KARS1: variants seen among roughly 807,000 people sequenced by gnomAD.
KARS1 encodes lysine--tRNA ligase.
KARS1 carries 50 observed loss-of-function variants against 63.9 expected under a neutral mutation model. That is an observed-to-expected ratio of 0.78 (90% CI 0.62 to 0.99). The LOEUF is 0.99. Among genes scored for constraint, KARS1 ranks in the 50% least tolerant of loss-of-function variants. The pLI is 0.00. For missense variants in KARS1, 816 were observed against 754.5 expected (o/e 1.08, Z -0.95); for synonymous variants, 320 against 264.6 (o/e 1.21, Z -2.03).
chr16:75,641,511 C>T (rs2082223137), intron 2 of KARS1, 53 bp downstream of exon 2: 2 of 1,531,676 alleles, frequency 1.3e-6, no homozygotes, highest in South Asian at 2.3e-5. Context: ...CTGCCAGAAG[C>T]CTCATCAGAA....
intron 3 of KARS1, among the ~76,000 whole-genome samples, chr16:75,638,766 T>C (rs926605495): frequency 6.6e-6 from 1 of 151,454 alleles, no homozygotes; most frequent in Non-Finnish European, 1.5e-5. Context: ...ATAAAAAGGA[T>C]TTGAGATAAA....
In KARS1 at chr16:75,632,477, G is replaced by T. The variant is rs549724397; in HGVS notation, c.916-622C>A. On this transcript the variant is annotated intron_variant, in intron 7 of 13. Coordinates refer to ENST00000302445, the MANE Select transcript of KARS1 (RefSeq NM_005548.3). ...CGTGTGACCCAAGCTCCACCAGTCA[G>T]ATACACTTGTGAGACTTCAGCATGG... 3.3e-5 allele frequency among the ~76,000 whole-genome samples: 5 copies of T among 152,324 alleles called. No individual in the cohort carries two copies. The South Asian group carries it at 1.0e-3, about 32-fold the overall frequency.
intron 1 of KARS1, among the ~76,000 whole-genome samples, chr16:75,645,832 G>C (rs1396647826): frequency 8.3e-6 from 1 of 120,740 alleles, no homozygotes; most frequent in Non-Finnish European, 1.6e-5. Context: ...GGGCAACAAC[G>C]ACTCTGCCTC....
Position 75,629,488 on chromosome 16 carries a change from T to C in KARS1, c.1478A>G (p.Lys493Arg), listed in dbSNP as rs1467945662. The change falls in exon 12 of 14, where the codon AAA becomes AGA. Residue 493 changes from lysine to arginine, a missense_variant. Coordinates refer to ENST00000302445, the MANE Select transcript of KARS1 (RefSeq NM_005548.3). ...CTCAGTATACGCATTGCATATCTCT[T>C]TCTTCATGACAAACAGCTCAAAGCG... is the stretch of plus-strand genomic sequence containing the variant. ...TERFELFVMK[K>R]EICNAYTELN... 6.2e-7 allele frequency: 1 copy of C among 1,614,178 alleles called. No homozygotes were observed. Among genetic ancestry groups the C allele is most frequent in the Non-Finnish European group, 8.5e-7 (1 of 1,180,002 alleles).
At chr16:75,630,796 A>C (rs1188803362) in intron 10 of KARS1, among the ~76,000 whole-genome samples, 3 of 151,768 alleles carry the variant, frequency 2.0e-5, no homozygotes, top group Non-Finnish European at 4.4e-5. Context: ...CACCATACCC[A>C]GCTCATTTTT....
At chr16:75,643,571 G>A (rs1210771659) in intron 1 of KARS1, among the ~76,000 whole-genome samples, 1 of 152,022 alleles carries the variant, frequency 6.6e-6, no homozygotes, top group Non-Finnish European at 1.5e-5. Flanking sequence ...AGTGAAGATG[G>A]GGTTTCACCG....
chr16:75,639,335 G>A (rs973101923), intron 3 of KARS1, among the ~76,000 whole-genome samples: 3 of 151,934 alleles, frequency 2.0e-5, no homozygotes, highest in Admixed American at 6.6e-5. Context: ...ACTTTGGGAA[G>A]CCGAGGCAGG....
chr16:75,644,663 A>G (rs960947855), intron 1 of KARS1, among the ~76,000 whole-genome samples: 3 of 152,224 alleles, frequency 2.0e-5, no homozygotes, highest in African/African-American at 7.2e-5. Flanking sequence ...AGTCCTGACT[A>G]TGGAAAAAAC....
intron 6 of KARS1, among the ~76,000 whole-genome samples, chr16:75,635,083 C>T (rs1597168528): frequency 6.6e-6 from 1 of 152,302 alleles, no homozygotes; most frequent in East Asian, 1.9e-4. Flanking sequence ...CTATCTCATA[C>T]AAAGAGATCC....
In KARS1 at chr16:75,640,175, A is replaced by C. The variant is rs766255336; in HGVS notation, c.388+9T>G. Reference sequence around the variant, plus strand: ...GGGAGTTCAGTGATTTGCCAGGGAGAGTTCCTACCTGCCACCTTTAAGGTG... The same window carrying C: ...GGGAGTTCAGTGATTTGCCAGGGAGCGTTCCTACCTGCCACCTTTAAGGTG... On this transcript the variant is annotated intron_variant, in intron 3 of 13. Transcript: ENST00000302445. The C allele has an allele frequency of 3.7e-6, 6 of 1,612,634 alleles. No individual in the cohort carries two copies. Among genetic ancestry groups the C allele is most frequent in the Non-Finnish European group, 5.1e-6 (6 of 1,178,754 alleles).
chr16:75,643,084 C>T (rs6564271), intron 1 of KARS1, among the ~76,000 whole-genome samples: 14,117 of 152,220 alleles, frequency 0.093, 670 homozygotes, highest in Middle Eastern at 0.11. Context: ...CAAAGTAATG[C>T]GGACAACTCT....
intron 12 of KARS1, 41 bp from the exon 13 acceptor site, chr16:75,628,753 G>A (rs1175450789): frequency 1.9e-6 from 3 of 1,610,934 alleles, no homozygotes; most frequent in Non-Finnish European, 1.7e-6. Context: ...CTTCTTCTAA[G>A]ATATCTCAGT....
At chr16:75,637,621 A>T (rs2082176191) in intron 3 of KARS1, among the ~76,000 whole-genome samples, 1 of 152,014 alleles carries the variant, frequency 6.6e-6, no homozygotes, top group Non-Finnish European at 1.5e-5. Flanking sequence ...ACTAAAAAAA[A>T]ATACAGAATT....
chr16:75,631,353 T>A, intron 9 of KARS1, 63 bp downstream of exon 9: 1 of 1,586,566 alleles, frequency 6.3e-7, no homozygotes, highest in South Asian at 1.1e-5. Flanking sequence ...TCTGACCCAA[T>A]CAAATTCAGA....
At chr16:75,636,218 C>T in intron 4 of KARS1, 120 bp from the exon 5 acceptor site, 1 of 737,762 alleles carries the variant, frequency 1.4e-6, no homozygotes, top group Admixed American at 2.1e-5. Flanking sequence ...AGAAGGACGT[C>T]AGATTCAGGG....
Position 75,647,633 on chromosome 16 carries a change from C to T in KARS1, c.7G>A (p.Ala3Thr), listed in dbSNP as rs1028472561. 4 of 1,613,802 alleles carry T rather than the reference C, an allele frequency of 2.5e-6. No homozygotes were observed. Among genetic ancestry groups the T allele is most frequent in the East Asian group, 2.2e-5 (1 of 44,886 alleles). The change falls in exon 1 of 14, where the codon GCC (alanine) becomes ACC (threonine). Residue 3 changes from alanine to threonine, a missense_variant. Physicochemically the swap from Ala to Thr is moderately conservative, Grantham distance 58. Coordinates refer to ENST00000302445, the MANE Select transcript of KARS1 (RefSeq NM_005548.3). MA[A>T]VQAAEVKVDG... The stretch of plus-strand genomic sequence containing the variant: ...ACTTTCACCTCGGCCGCCTGCACGG[C>T]CGCCATCTTCCCGGAGGGCCCGACC...
At position 75,630,984 on chromosome 16, in the gene KARS1, A is replaced by C. The variant is rs546528670; in HGVS notation, c.1338+184T>G. 5.9e-5 allele frequency among the ~76,000 whole-genome samples: 9 copies of C among 152,318 alleles called. No individual in the cohort carries two copies. The East Asian group carries it at 1.5e-3, about 26-fold the overall frequency. Reference sequence around the variant, plus strand: ...GACGGGATTAACTGAGATCACACACATAAATTATTTGGCACAGAGCTTAGT... The same window carrying C: ...GACGGGATTAACTGAGATCACACACCTAAATTATTTGGCACAGAGCTTAGT... On this transcript the variant is annotated intron_variant, in intron 10 of 13. Coordinates refer to ENST00000302445, the MANE Select transcript of KARS1 (RefSeq NM_005548.3).
intron 3 of KARS1, among the ~76,000 whole-genome samples, chr16:75,637,097 T>C (rs966063476): frequency 6.6e-6 from 1 of 152,096 alleles, no homozygotes; most frequent in Non-Finnish European, 1.5e-5. Context: ...ATTAAGTCAC[T>C]GGATGCCTAG....
rs113272137 is a variant in KARS1 at position 75,643,257 on chromosome 16, T to C, written c.63-1534A>G. On this transcript the variant is annotated intron_variant, in intron 1 of 13. Coordinates refer to ENST00000302445, the MANE Select transcript of KARS1 (RefSeq NM_005548.3). ...AACATAATCAAATATTCTGCAATAG[T>C]GAACCACAGCAGAAGATCCCAAGTC... Among the ~76,000 whole-genome samples the C allele has an allele frequency of 5.2e-3, 787 of 152,346 alleles. 4 individuals are homozygous for C. Among genetic ancestry groups the C allele is most frequent in the Non-Finnish European group, 8.0e-3 (544 of 68,026 alleles).
Sources: allele counts gnomAD v4.1 joint callset (sites outside exome capture counted in the v4.1 genomes callset), GRCh38; gene constraint gnomAD v4.1.1; transcripts MANE v1.5; gene names NCBI Gene and HGNC (gene_info 2026-07-23, HGNC 2026-07-21).